RAD23B: variants seen among roughly 807,000 people sequenced by gnomAD.
RAD23B encodes the protein RAD23 nucleotide excision repair protein B, also known as lysine-specific demethylase RAD23B.
In RAD23B, 5 loss-of-function variants were observed where a neutral mutation model predicts 49.1. The observed-to-expected ratio is 0.10, with a 90% CI of 0.05 to 0.21. The LOEUF is 0.21. Ranked by LOEUF, RAD23B falls within the 10% of genes least tolerant of loss-of-function variation. RAD23B has a pLI of 1.00. For missense variants in RAD23B, 356 were observed against 486.7 expected (o/e 0.73, Z 2.53); for synonymous variants, 184 against 165.4 (o/e 1.11, Z -0.86).
chr9:107,287,391 C>T (rs1833293160), intron 1 of RAD23B, among the ~76,000 whole-genome samples: 1 of 152,140 alleles, frequency 6.6e-6, no homozygotes, highest in South Asian at 2.1e-4. Flanking sequence ...ACTTTAAATG[C>T]AAAAGCTGAA....
chr9:107,321,886 A>G lies in RAD23B; in HGVS notation c.682-97A>G, dbSNP rs11573699. On this transcript the variant is annotated intron_variant, in intron 6 of 9. Coordinates refer to ENST00000358015, the MANE Select transcript of RAD23B (RefSeq NM_002874.5). ...AGACATCTGTTTGATGCTTTTGAAA[A>G]TCAAACAAGATGTTAAATAGACTAT... 5.0e-3 allele frequency: 6,333 copies of G among 1,260,330 alleles called. 221 individuals are homozygous for G. The African/African-American group carries it at 0.076, about 15-fold the overall frequency. 78.1% of individuals were successfully genotyped at this position (1,260,330 alleles called of 1,614,324 possible). A position where few individuals can be genotyped will look rare whatever the true frequency, so the allele number is the denominator to read the frequency against.
chr9:107,314,386 A>C (rs1463905102), intron 5 of RAD23B, among the ~76,000 whole-genome samples: 1 of 151,788 alleles, frequency 6.6e-6, no homozygotes, highest in African/African-American at 2.4e-5. Flanking sequence ...CTGTTATTCC[A>C]CTCTATATGA....
In RAD23B at chr9:107,316,370, T is replaced by C. The variant is rs539287077; in HGVS notation, c.554-2382T>C. ...CCTCATCTTTTAAAGGAGTTGAAAT[T>C]AAACCTTTCTTATGAAGTAGTGAGA... On this transcript the variant is annotated intron_variant, in intron 5 of 9. Coordinates refer to ENST00000358015, the MANE Select transcript of RAD23B (RefSeq NM_002874.5). 3.3e-5 allele frequency among the ~76,000 whole-genome samples: 5 copies of C among 152,328 alleles called. No individual in the cohort carries two copies. The East Asian group carries it at 9.6e-4, about 29-fold the overall frequency.
At chr9:107,309,829 G>A (rs1826853580) in intron 4 of RAD23B, among the ~76,000 whole-genome samples, 1 of 151,912 alleles carries the variant, frequency 6.6e-6, no homozygotes, top group East Asian at 1.9e-4. Flanking sequence ...TACTCAGGAG[G>A]CTGAGGCAGG....
intron 2 of RAD23B, among the ~76,000 whole-genome samples, chr9:107,300,894 C>T (rs1230538440): frequency 1.3e-5 from 2 of 152,158 alleles, no homozygotes; most frequent in African/African-American, 4.8e-5. Context: ...TAAAGTGAGA[C>T]AGCCTGGAGG....
At chr9:107,301,584 G>A (rs909572035) in intron 2 of RAD23B, among the ~76,000 whole-genome samples, 3 of 152,140 alleles carry the variant, frequency 2.0e-5, no homozygotes, top group Admixed American at 1.3e-4. Flanking sequence ...TGTCACCCAA[G>A]CTGGAGTGCA....
In RAD23B at chr9:107,331,817, G is replaced by A. The variant is rs958753049; in HGVS notation, c.*2161G>A. 5.6e-5 allele frequency: 41 copies of A among 734,578 alleles called. No homozygotes were observed. The highest frequency in any genetic ancestry group is 2.4e-4 in the Admixed American group (12 of 49,462). The allele number at this position is 734,578 out of a possible 1,614,324, so 45.5% of individuals were successfully genotyped here. A position where few individuals can be genotyped will look rare whatever the true frequency, so the allele number is the denominator to read the frequency against. On this transcript the variant is annotated 3_prime_UTR_variant, in exon 10 of 10. Transcript: ENST00000358015. ...AGACAGCTCAGGCCAAGTTTTGATC[G>A]TTCCATACAGTACCTTGTTTATCTG...
intron 1 of RAD23B, among the ~76,000 whole-genome samples, chr9:107,285,889 CTA>C (rs1833265633): frequency 6.6e-6 from 1 of 152,040 alleles, no homozygotes; most frequent in Non-Finnish European, 1.5e-5. Flanking sequence ...TGTTTCAATT[CTA>C]TGTTTGTAGT....
intron 5 of RAD23B, among the ~76,000 whole-genome samples, chr9:107,312,467 C>A (rs1826907679): frequency 1.3e-5 from 2 of 152,134 alleles, no homozygotes; most frequent in South Asian, 4.1e-4. Flanking sequence ...AGCAGCAGTA[C>A]CACCTCCTAG....
rs76255309 is a variant in RAD23B at position 107,310,517 on chromosome 9, A to G, written c.498-1165A>G. Among the ~76,000 whole-genome samples the G allele has an allele frequency of 2.6e-5, 4 of 152,296 alleles. No homozygotes were observed. The East Asian group carries it at 7.7e-4, about 29-fold the overall frequency. ...GCCGACATAGAATGATTGTTAAGTT[A>G]AAAAAACACCAAAGCAAGACACAAG... On this transcript the variant is annotated intron_variant, in intron 4 of 9. Transcript: ENST00000358015.
chr9:107,320,002 C>A (rs1827077157), intron 6 of RAD23B, among the ~76,000 whole-genome samples: 1 of 152,202 alleles, frequency 6.6e-6, no homozygotes, highest in African/African-American at 2.4e-5. Flanking sequence ...ATTACATCCA[C>A]AGTTTAACCC....
intron 1 of RAD23B, among the ~76,000 whole-genome samples, chr9:107,290,783 G>T (rs1020179969): frequency 6.6e-6 from 1 of 152,042 alleles, no homozygotes; most frequent in African/African-American, 2.4e-5. Flanking sequence ...TCTTTAAAAG[G>T]TTTGTATGAA....
chr9:107,291,256 T>TA (rs1364007343), intron 1 of RAD23B, among the ~76,000 whole-genome samples: 1 of 152,244 alleles, frequency 6.6e-6, no homozygotes, highest in Non-Finnish European at 1.5e-5. Flanking sequence ...TATAGAAACT[T>TA]ACAGGTATCT....
intron 6 of RAD23B, among the ~76,000 whole-genome samples, chr9:107,319,255 T>C (rs11573689): frequency 0.056 from 8,286 of 148,892 alleles, 693 homozygotes; most frequent in African/African-American, 0.19. Flanking sequence ...CTCAGCCTCC[T>C]AAGTAGCTGG....
Position 107,329,725 on chromosome 9 carries a change from GATGACTT to G in RAD23B, c.*70_*76del. On this transcript the variant is annotated 3_prime_UTR_variant, in exon 10 of 10. Coordinates refer to ENST00000358015, the MANE Select transcript of RAD23B (RefSeq NM_002874.5). ...CTAACTTGTTCACTGGATTGTCTGG[GATGACTT>G]GGGCTCATATCCACAATACTTGGTA... 6 of 863,052 alleles carry G rather than the reference GATGACTT, an allele frequency of 7.0e-6. No homozygotes were observed. The highest frequency in any genetic ancestry group is 6.9e-6 in the Non-Finnish European group (4 of 582,768). 53.5% of individuals were successfully genotyped at this position (863,052 alleles called of 1,614,324 possible).
chr9:107,307,940 T>A (rs1312942818), intron 4 of RAD23B, among the ~76,000 whole-genome samples: 1 of 152,212 alleles, frequency 6.6e-6, no homozygotes, highest in Non-Finnish European at 1.5e-5. Flanking sequence ...CTTATCCTAG[T>A]GGATACCACC....
At chr9:107,310,028 A>G (rs1314085547) in intron 4 of RAD23B, among the ~76,000 whole-genome samples, 2 of 152,060 alleles carry the variant, frequency 1.3e-5, no homozygotes, top group Non-Finnish European at 2.9e-5. Flanking sequence ...TACAGTAATG[A>G]TTAAAACAGT....
At position 107,311,704 on chromosome 9, in the gene RAD23B, T is replaced by A. The variant is rs1174975812; in HGVS notation, c.520T>A (p.Ser174Thr). The change falls in exon 5 of 10, where the codon TCA (serine) becomes ACA (threonine). Residue 174 changes from serine (S) to threonine (T), a missense_variant. Transcript: ENST00000358015. ...TDSTSGDSSR[S>T]NLFEDATSAL... is the part of the protein sequence containing the mutation. ...TAGTACATCGGGTGATTCTTCTCGG[T>A]CAAACCTTTTTGAAGATGCAACGAG... The A allele has an allele frequency of 2.5e-6, 4 of 1,571,434 alleles. No individual in the cohort carries two copies. In the South Asian group the frequency reaches 4.8e-5, roughly 19 times the overall value.
intron 9 of RAD23B, 151 bp from the exon 10 acceptor site, chr9:107,329,392 A>T: frequency 1.9e-6 from 1 of 534,504 alleles, no homozygotes; most frequent in Middle Eastern, 5.0e-4. Context: ...AGATGAATTC[A>T]TGTAAAATTC....
Sources: gnomAD v4.1 joint callset for allele counts (sites outside exome capture counted in the v4.1 genomes callset) on GRCh38, gnomAD v4.1.1 for gene constraint, MANE v1.5 for transcripts, NCBI Gene and HGNC (gene_info 2026-07-23, HGNC 2026-07-21) for gene names.